Variants in FIP1L1 observed in about 807,000 individuals in gnomAD.
The protein encoded by FIP1L1 is factor interacting with PAPOLA and CPSF1.
FIP1L1 carries 21 observed loss-of-function variants against 84.6 expected under a neutral mutation model. The ratio of observed to expected loss-of-function variants is 0.25; its 90% CI spans 0.18 to 0.36. The LOEUF is 0.36. FIP1L1 is among the 10% of genes least tolerant of loss of function. FIP1L1 has a pLI of 1.00. For missense variants in FIP1L1, 526 were observed against 751.1 expected (o/e 0.70, Z 3.50); for synonymous variants, 263 against 242.3 (o/e 1.09, Z -0.80).
chr4:53,406,309 A>G (rs1432461678), intron 10 of FIP1L1, among the ~76,000 whole-genome samples: 1 of 152,142 alleles, frequency 6.6e-6, no homozygotes, highest in Non-Finnish European at 1.5e-5. Context: ...GCTGAATTAC[A>G]TTTATTGATT....
chr4:53,437,299 C>T (rs577814252), intron 13 of FIP1L1, among the ~76,000 whole-genome samples: 5 of 128,860 alleles, frequency 3.9e-5, no homozygotes, highest in Admixed American at 9.0e-5. Context: ...ACTCACCCTA[C>T]ACAACAGTGT....
At chr4:53,409,821 G>A (rs978387191) in intron 10 of FIP1L1, among the ~76,000 whole-genome samples, 4 of 152,216 alleles carry the variant, frequency 2.6e-5, no homozygotes, top group Non-Finnish European at 2.9e-5. Flanking sequence ...CTCCTGGTGC[G>A]CCGTTTTTTA....
intron 10 of FIP1L1, among the ~76,000 whole-genome samples, chr4:53,414,074 A>G (rs1322559910): frequency 6.6e-6 from 1 of 152,194 alleles, no homozygotes; most frequent in South Asian, 2.1e-4. Flanking sequence ...AAGTATGTCA[A>G]CAGGGATAAA....
chr4:53,436,141 T>A (rs1406519738), intron 13 of FIP1L1, among the ~76,000 whole-genome samples: 1 of 152,234 alleles, frequency 6.6e-6, no homozygotes, highest in Non-Finnish European at 1.5e-5. Context: ...AGATAGATGG[T>A]TATTGCATGT....
At chr4:53,436,040 G>A (rs1230538937) in intron 13 of FIP1L1, among the ~76,000 whole-genome samples, 2 of 151,618 alleles carry the variant, frequency 1.3e-5, no homozygotes, top group Non-Finnish European at 2.9e-5. Flanking sequence ...TAATAGTGCC[G>A]ACGGAACTTG....
chr4:53,433,120 G>A (rs562244640), intron 13 of FIP1L1, among the ~76,000 whole-genome samples: 2 of 152,176 alleles, frequency 1.3e-5, no homozygotes, highest in Non-Finnish European at 2.9e-5. Context: ...GTGATTTTGT[G>A]TGTTTGTTTA....
intron 13 of FIP1L1, among the ~76,000 whole-genome samples, chr4:53,431,190 C>T (rs1206784261): frequency 1.3e-5 from 2 of 152,184 alleles, no homozygotes; most frequent in African/African-American, 4.8e-5. Context: ...TGGGCACTGG[C>T]TCTGAATAAC....
At chr4:53,437,699 T>TTTTA (rs142843702) in intron 13 of FIP1L1, among the ~76,000 whole-genome samples, 18,935 of 150,668 alleles carry the variant, frequency 0.13, 1,244 homozygotes, top group East Asian at 0.15. Flanking sequence ...TCAAGGTAGT[T>TTTTA]TTTATTTATT....
At chr4:53,427,836 A>G (rs1271444133) in intron 12 of FIP1L1, among the ~76,000 whole-genome samples, 191 bp from the exon 13 acceptor site, 1 of 152,192 alleles carries the variant, frequency 6.6e-6, no homozygotes, top group Admixed American at 6.5e-5. Flanking sequence ...AACTGTATGT[A>G]TGTGTATACT....
chr4:53,439,994 T>C (rs1771189836), intron 13 of FIP1L1, among the ~76,000 whole-genome samples: 1 of 152,034 alleles, frequency 6.6e-6, no homozygotes, highest in African/African-American at 2.4e-5. Context: ...TTCACGTTTA[T>C]GTTAATGTGC....
Position 53,399,836 on chromosome 4 carries a change from G to T in FIP1L1, c.812G>T (p.Ser271Ile). Residue 271 changes from serine to isoleucine, a missense_variant, in exon 10 of 18, where the codon AGC becomes ATC. Around this residue, in one of 6 missense-constraint regions of FIP1L1, gnomAD observed 169 missense variants for 206.9 expected, o/e 0.82. Coordinates refer to ENST00000337488, the MANE Select transcript of FIP1L1 (RefSeq NM_030917.4). ...PSLFKTGLPP[S>I]RNSTSSQSQT... Reference sequence around the variant, plus strand: ...TTGTTCAAGACTGGGCTTCCACCGAGCAGGTTAGTTACATAGTTATAACTC... The same window carrying T: ...TTGTTCAAGACTGGGCTTCCACCGATCAGGTTAGTTACATAGTTATAACTC... 2 of 1,603,960 alleles carry T rather than the reference G, an allele frequency of 1.2e-6. No individual in the cohort carries two copies. Among genetic ancestry groups the T allele is most frequent in the Non-Finnish European group, 1.7e-6 (2 of 1,171,454 alleles).
At chr4:53,382,665 C>G (rs573593368) in intron 4 of FIP1L1, among the ~76,000 whole-genome samples, 30 of 152,302 alleles carry the variant, frequency 2.0e-4, no homozygotes, top group African/African-American at 6.7e-4. Flanking sequence ...TTCACTGTTA[C>G]GATTTTTTAA....
intron 10 of FIP1L1, among the ~76,000 whole-genome samples, chr4:53,403,312 G>T (rs1233126603): frequency 1.3e-5 from 2 of 152,118 alleles, no homozygotes; most frequent in Non-Finnish European, 2.9e-5. Context: ...ATTACCTGTA[G>T]TATGTTACAA....
At chr4:53,399,901 G>T in intron 10 of FIP1L1, 62 bp downstream of exon 10, 1 of 1,112,544 alleles carries the variant, frequency 9.0e-7, no homozygotes. Flanking sequence ...TTGTATTTGT[G>T]CTATATTAAG....
chr4:53,381,753 C>CATTTTTTTTTTTTTTTT (rs1738037866), intron 3 of FIP1L1, among the ~76,000 whole-genome samples: 1 of 87,948 alleles, frequency 1.1e-5, no homozygotes, highest in Non-Finnish European at 2.0e-5. Flanking sequence ...CATTTGCATT[C>CATTTTTTTTTTTTTTTT]TTTTTTTTTT....
chr4:53,415,101 C>T (rs1200790706), intron 11 of FIP1L1, among the ~76,000 whole-genome samples: 1 of 151,970 alleles, frequency 6.6e-6, no homozygotes, highest in Non-Finnish European at 1.5e-5. Flanking sequence ...ATTTAGGACC[C>T]GTAAAATTTG....
intron 11 of FIP1L1, among the ~76,000 whole-genome samples, chr4:53,420,004 C>T (rs1255170459): frequency 2.0e-5 from 3 of 151,390 alleles, no homozygotes; most frequent in East Asian, 2.0e-4. Flanking sequence ...GTCAGGAGAT[C>T]GAGACCACGG....
intron 10 of FIP1L1, among the ~76,000 whole-genome samples, chr4:53,413,927 T>G (rs1758311363): frequency 6.6e-6 from 1 of 152,192 alleles, no homozygotes; most frequent in South Asian, 2.1e-4. Flanking sequence ...ATTTCGTTTC[T>G]GGTTTGTTTT....
intron 13 of FIP1L1, among the ~76,000 whole-genome samples, chr4:53,437,422 A>G (rs947294434): frequency 1.7e-4 from 25 of 149,918 alleles, no homozygotes; most frequent in African/African-American, 5.1e-4. Flanking sequence ...TTTAAGTGTC[A>G]TAGGTAGATG....
Sources: gnomAD v4.1 joint callset for allele counts (sites outside exome capture counted in the v4.1 genomes callset) on GRCh38, gnomAD v4.1.1 for gene constraint, gnomAD v4.1.1 regional missense constraint, MANE v1.5 for transcripts, NCBI Gene and HGNC (gene_info 2026-07-23, HGNC 2026-07-21) for gene names.